PRIM2: variants seen among roughly 807,000 people sequenced by gnomAD.
The protein encoded by PRIM2 is DNA primase large subunit.
A neutral mutation model predicts 67.3 loss-of-function variants in PRIM2; 39 were observed. That is an observed-to-expected ratio of 0.58 (90% CI 0.45 to 0.76). The LOEUF is 0.76. Among genes scored for constraint, PRIM2 ranks in the 30% least tolerant of loss-of-function variants. The probability of loss-of-function intolerance (pLI) is 0.00; values close to 1 mark genes in which losing one functional copy is unlikely to be tolerated. For missense variants in PRIM2, 398 were observed against 598.7 expected, an observed-to-expected ratio of 0.66 and a Z score of 3.50; for synonymous variants, 143 against 198.7, an observed-to-expected ratio of 0.72 and a Z score of 2.36.
chr6:57,480,225 A>G (rs1773580856), intron 7 of PRIM2, among the ~76,000 whole-genome samples: 1 of 152,172 alleles, frequency 6.6e-6, no homozygotes, highest in Non-Finnish European at 1.5e-5. Context: ...TAATTTAGTA[A>G]GCAGTGGAAA....
chr6:57,410,299 T>C (rs1581877359), intron 7 of PRIM2, among the ~76,000 whole-genome samples: 1 of 134,974 alleles, frequency 7.4e-6, no homozygotes, highest in African/African-American at 2.9e-5. Flanking sequence ...ACTTCAGCAC[T>C]CCAGCCTGGG....
chr6:57,594,531 T>C (rs1183020136), intron 10 of PRIM2, among the ~76,000 whole-genome samples: 9 of 152,276 alleles, frequency 5.9e-5, no homozygotes, highest in African/African-American at 2.2e-4. Flanking sequence ...ACATATGTGG[T>C]CAAATTTGAT....
At chr6:57,276,983 G>T in the PRIM2 span, among the ~76,000 whole-genome samples, 3 of 151,990 alleles carry the variant, frequency 2.0e-5, no homozygotes, top group Non-Finnish European at 4.4e-5. Context: ...TAAGAAAAAG[G>T]AGAGGAGGAA....
chr6:57,586,851 A>T (rs1303062114), intron 10 of PRIM2: 1 of 152,226 alleles, frequency 6.6e-6, no homozygotes, highest in African/African-American at 2.4e-5. Context: ...GGGACAGAAA[A>T]ATGTAAGAGA....
intron 8 of PRIM2, among the ~76,000 whole-genome samples, chr6:57,530,362 C>G (rs1197821719): frequency 6.6e-6 from 1 of 152,114 alleles, no homozygotes; most frequent in Non-Finnish European, 1.5e-5. Flanking sequence ...AGATAAAGAC[C>G]AGTTGGTAAA....
the PRIM2 span, among the ~76,000 whole-genome samples, chr6:57,309,297 C>T: frequency 2.5e-5 from 3 of 118,772 alleles, no homozygotes; most frequent in South Asian, 3.3e-4. Flanking sequence ...CCCCTCCCCC[C>T]ACCCCACCAC....
chr6:57,263,542 CA>C, the PRIM2 span, among the ~76,000 whole-genome samples: 7,405 of 152,234 alleles, frequency 0.049, 225 homozygotes, highest in Non-Finnish European at 0.072. Flanking sequence ...CCATCAGTCA[CA>C]GTGGATTGAG....
the PRIM2 span, among the ~76,000 whole-genome samples, chr6:57,303,917 G>A: frequency 6.6e-6 from 1 of 152,204 alleles, no homozygotes; most frequent in South Asian, 2.1e-4. Flanking sequence ...TTACAAGCCT[G>A]AGCCTTTGCA....
intron 5 of PRIM2, among the ~76,000 whole-genome samples, chr6:57,334,733 G>A (rs1399349532): frequency 2.0e-5 from 3 of 152,140 alleles, no homozygotes; most frequent in African/African-American, 7.2e-5. Context: ...CGTATAGAGT[G>A]CTTAGTACTG....
At chr6:57,579,335 A>C (rs1454727282) in intron 10 of PRIM2, among the ~76,000 whole-genome samples, 1 of 152,198 alleles carries the variant, frequency 6.6e-6, no homozygotes, top group Non-Finnish European at 1.5e-5. Flanking sequence ...GTACAGGAAC[A>C]GTCTGGCTTG....
the PRIM2 span, among the ~76,000 whole-genome samples, chr6:57,237,023 T>G: frequency 2.0e-5 from 3 of 151,990 alleles, no homozygotes; most frequent in Non-Finnish European, 4.4e-5. Context: ...TAGTTTACAG[T>G]CCCACCAAGA....
chr6:57,264,853 C>T, the PRIM2 span, among the ~76,000 whole-genome samples: 2 of 152,076 alleles, frequency 1.3e-5, no homozygotes, highest in African/African-American at 4.8e-5. Flanking sequence ...ACTGGCAGAT[C>T]TTGTTTGTCC....
intron 5 of PRIM2, among the ~76,000 whole-genome samples, chr6:57,363,629 T>C (rs1302840180): frequency 6.6e-6 from 1 of 152,200 alleles, no homozygotes; most frequent in African/African-American, 2.4e-5. Context: ...TTAGTCTAAC[T>C]GTAGCTCATT....
intron 8 of PRIM2, among the ~76,000 whole-genome samples, chr6:57,518,958 A>C (rs1774546627): frequency 6.6e-6 from 1 of 152,196 alleles, no homozygotes; most frequent in Non-Finnish European, 1.5e-5. Context: ...CAGCTTGAGA[A>C]ATAAAGGGAC....
chr6:57,396,607 C>T (rs567335230), intron 7 of PRIM2, among the ~76,000 whole-genome samples: 55 of 152,300 alleles, frequency 3.6e-4, no homozygotes, highest in South Asian at 3.5e-3. Context: ...ATCCATTCTG[C>T]AATTCTGTAT....
chr6:57,406,066 G>C (rs1451848284), intron 7 of PRIM2, among the ~76,000 whole-genome samples: 12 of 152,200 alleles, frequency 7.9e-5, no homozygotes, highest in Admixed American at 7.9e-4. Flanking sequence ...GGACTTGTCT[G>C]GGGATTGCAG....
intron 7 of PRIM2, among the ~76,000 whole-genome samples, chr6:57,412,532 A>G (rs146100748): frequency 4.0e-5 from 6 of 151,852 alleles, no homozygotes; most frequent in Non-Finnish European, 7.4e-5. Flanking sequence ...GCTTTTATCT[A>G]TACTACTTCA....
intron 10 of PRIM2, among the ~76,000 whole-genome samples, chr6:57,586,610 G>A (rs1308337226): frequency 6.6e-6 from 1 of 152,104 alleles, no homozygotes; most frequent in Non-Finnish European, 1.5e-5. Context: ...TTAAAATGGT[G>A]GAAGAAAAGA....
intron 10 of PRIM2, among the ~76,000 whole-genome samples, chr6:57,568,461 C>T (rs1775792654): frequency 6.6e-6 from 1 of 152,092 alleles, no homozygotes; most frequent in South Asian, 2.1e-4. Context: ...TGGGAAAAAC[C>T]CCTACTATTT....
Sources: allele counts gnomAD v4.1 joint callset (sites outside exome capture counted in the v4.1 genomes callset), GRCh38; gene constraint gnomAD v4.1.1; transcripts MANE v1.5; gene names NCBI Gene and HGNC (gene_info 2026-07-23, HGNC 2026-07-21).